The following CSPG5 variants were observed in gnomAD, a reference collection of about 807,000 sequenced individuals.
CSPG5 encodes acidic leucine-rich EGF-like domain-containing brain protein.
CSPG5 carries 25 observed loss-of-function variants against 39.8 expected under a neutral mutation model. The ratio of observed to expected loss-of-function variants is 0.63; its 90% CI spans 0.46 to 0.88. The LOEUF is 0.88. Ranked by LOEUF, CSPG5 falls within the 40% of genes least tolerant of loss-of-function variation. The pLI, the probability that CSPG5 is intolerant of heterozygous loss-of-function variation, is 0.00. For missense variants in CSPG5, 627 were observed against 702.2 expected, an observed-to-expected ratio of 0.89 and a Z score of 1.21; for synonymous variants, 295 against 303.9, an observed-to-expected ratio of 0.97 and a Z score of 0.31.
In CSPG5 at chr3:47,572,132, G is replaced by A. The variant is rs1450244219; in HGVS notation, c.1382+554C>T. ...TAAAGAGGATTTTCTTAAGTTCCTT[G>A]CACTTCTGATTGGACACAGGCTTGA... On this transcript the variant is annotated intron_variant, in intron 3 of 4. Coordinates refer to ENST00000264723, the MANE Select transcript of CSPG5 (RefSeq NM_006574.4). This position sits in a 1 kb window ranked among gnomAD's most constrained non-coding sequence, Gnocchi z 4.5. 6.6e-6 allele frequency among the ~76,000 whole-genome samples: 1 copy of A among 152,162 alleles called. No individual in the cohort carries two copies. The highest frequency in any genetic ancestry group is 2.4e-5 in the African/African-American group (1 of 41,454).
At position 47,577,848 on chromosome 3, in the gene CSPG5, G is replaced by T. The variant is rs1179380966; in HGVS notation, c.178C>A (p.Arg60=). Reference sequence around the variant, plus strand: ...GCCGCTGGTGGGCCGGCTTCTTCCCGCGTGTCGTTGGCAGGCGGCTCCCAC... The same window carrying T: ...GCCGCTGGTGGGCCGGCTTCTTCCCTCGTGTCGTTGGCAGGCGGCTCCCAC... ...PAWEPPANDT[R]EEAGPPAAGE... Residue 60 remains arginine (R), a synonymous_variant, in exon 2 of 5, where the codon CGG becomes AGG. Transcript: ENST00000264723. The surrounding 1 kb of genome is among the most constrained non-coding windows in gnomAD (Gnocchi z 4.7). 3 of 1,547,076 alleles carry T rather than the reference G, an allele frequency of 1.9e-6. No homozygotes were observed. The highest frequency in any genetic ancestry group is 2.6e-6 in the Non-Finnish European group (3 of 1,158,204).
At chr3:47,576,768 C>G in intron 2 of CSPG5, 65 bp downstream of exon 2, 1 of 1,501,030 alleles carries the variant, frequency 6.7e-7, no homozygotes, top group Non-Finnish European at 8.9e-7. Flanking sequence ...CTACGCTGCC[C>G]TCTGTTGAGT....
intron 4 of CSPG5, among the ~76,000 whole-genome samples, chr3:47,563,222 G>C (rs1559609115): frequency 1.3e-5 from 2 of 152,238 alleles, no homozygotes; most frequent in South Asian, 4.2e-4. Flanking sequence ...CATAGAACTG[G>C]TAAAGTGCAG....
In CSPG5 at chr3:47,572,628, G is replaced by A. The variant is rs2031564199; in HGVS notation, c.1382+58C>T. On this transcript the variant is annotated intron_variant, in intron 3 of 4. Transcript: ENST00000264723. This position sits in a 1 kb window ranked among gnomAD's most constrained non-coding sequence, Gnocchi z 4.5. Reference sequence around the variant, plus strand: ...CTGGATCAGTTGGAGGGGTGCAGCAGCGTCGGGGGGCCTCCCACACCCTGA... The same window carrying A: ...CTGGATCAGTTGGAGGGGTGCAGCAACGTCGGGGGGCCTCCCACACCCTGA... 6.1e-6 allele frequency: 9 copies of A among 1,463,794 alleles called. No homozygotes were observed. The highest frequency in any genetic ancestry group is 8.6e-6 in the Non-Finnish European group (9 of 1,051,952). The allele number at this position is 1,463,794 out of a possible 1,614,324, so 90.7% of individuals were successfully genotyped here.
chr3:47,569,527 C>A (rs1384247379), intron 3 of CSPG5, among the ~76,000 whole-genome samples: 1 of 151,818 alleles, frequency 6.6e-6, no homozygotes, highest in Non-Finnish European at 1.5e-5. Context: ...TTGTTTGAAC[C>A]CAGGAGGCGG....
intron 4 of CSPG5, among the ~76,000 whole-genome samples, chr3:47,568,522 C>A (rs1021715377): frequency 6.6e-6 from 1 of 152,176 alleles, no homozygotes; most frequent in Non-Finnish European, 1.5e-5. Context: ...TATAACCCTG[C>A]CAGTTCTTAG....
chr3:47,565,058 T>A (rs529551503), intron 4 of CSPG5, among the ~76,000 whole-genome samples: 2 of 152,220 alleles, frequency 1.3e-5, no homozygotes, highest in South Asian at 4.2e-4. Flanking sequence ...AACTCCTTCA[T>A]CACATATTCT....
At chr3:47,563,070 C>A (rs1291956629) in intron 4 of CSPG5, among the ~76,000 whole-genome samples, 2 of 152,194 alleles carry the variant, frequency 1.3e-5, no homozygotes, top group African/African-American at 2.4e-5. Context: ...GGCCCAGGCG[C>A]CTCTATAGCC....
chr3:47,576,328 A>G (rs943309314), intron 2 of CSPG5, among the ~76,000 whole-genome samples: 2 of 152,190 alleles, frequency 1.3e-5, no homozygotes. Flanking sequence ...TCCTAGTGAT[A>G]AGGTCACAGG....
chr3:47,570,081 T>C (rs956176306), intron 3 of CSPG5, among the ~76,000 whole-genome samples: 2 of 151,946 alleles, frequency 1.3e-5, no homozygotes, highest in East Asian at 3.9e-4. Flanking sequence ...CCATGGATTA[T>C]CTTTTTTTTT....
In CSPG5 at chr3:47,569,168, T is replaced by C. The variant is rs902941005; in HGVS notation, c.1442A>G (p.Glu481Gly). Residue 481 changes from glutamate (E) to glycine (G), a missense_variant, in exon 4 of 5, where the codon GAG becomes GGG. Coordinates refer to ENST00000264723, the MANE Select transcript of CSPG5 (RefSeq NM_006574.4). ...NDNFSLSTIA[E>G]GSHPNDDPSA... ...TTTCCTTACATTTGGGTGAGAGCCC[T>C]CGGCAATGGTGGAGAGGGAGAAGTT... 1.5e-5 allele frequency: 24 copies of C among 1,612,012 alleles called. No individual in the cohort carries two copies. Among genetic ancestry groups the C allele is most frequent in the Non-Finnish European group, 1.9e-5 (22 of 1,179,154 alleles).
chr3:47,574,457 C>T (rs1311877421), intron 2 of CSPG5, among the ~76,000 whole-genome samples: 1 of 152,184 alleles, frequency 6.6e-6, no homozygotes, highest in Non-Finnish European at 1.5e-5. Flanking sequence ...GGAGCAAAAT[C>T]ACAGGGTTTC....
In CSPG5 at chr3:47,562,517, A is replaced by G; in HGVS notation, c.*83T>C. Reference sequence around the variant, plus strand: ...AAAGAGTTTAACAAATGGTTACAAGAAATAGACTCTGTACAAGAGGAGATA... The same window carrying G: ...AAAGAGTTTAACAAATGGTTACAAGGAATAGACTCTGTACAAGAGGAGATA... On this transcript the variant is annotated 3_prime_UTR_variant, in exon 5 of 5. Transcript: ENST00000264723. 7.7e-7 allele frequency: 1 copy of G among 1,301,574 alleles called. No homozygotes were observed. Among genetic ancestry groups the G allele is most frequent in the Non-Finnish European group, 1.1e-6 (1 of 942,698 alleles). The allele number at this position is 1,301,574 out of a possible 1,614,324, so 80.6% of individuals were successfully genotyped here.
Position 47,577,795 on chromosome 3 carries a change from C to T in CSPG5, c.231G>A (p.Ala77=). ...CTGGCCCGGCCAGCTCGCCACCGGG[C>T]GCCGTCCACGACGCCTCATCTTCCC... ...AAGEDEASWT[A]PGGELAGPEE... The change falls in exon 2 of 5, where the codon GCG becomes GCA. Residue 77 remains alanine, a synonymous_variant. Transcript: ENST00000264723. The surrounding 1 kb of genome is among the most constrained non-coding windows in gnomAD (Gnocchi z 4.7). 6.3e-7 allele frequency: 1 copy of T among 1,583,380 alleles called. No homozygotes were observed. The highest frequency in any genetic ancestry group is 1.1e-5 in the South Asian group (1 of 89,226).
intron 4 of CSPG5, among the ~76,000 whole-genome samples, chr3:47,563,191 C>T (rs1394309979): frequency 6.6e-6 from 1 of 152,164 alleles, no homozygotes; most frequent in Non-Finnish European, 1.5e-5. Context: ...CATGTCTCAT[C>T]AGTGTATACA....
intron 3 of CSPG5, among the ~76,000 whole-genome samples, chr3:47,569,749 TC>T (rs1430131521): frequency 2.1e-4 from 26 of 125,670 alleles, no homozygotes; most frequent in Admixed American, 1.3e-3. Context: ...TCTATTCTTT[TC>T]TTTTTTTTTT....
intron 2 of CSPG5, among the ~76,000 whole-genome samples, chr3:47,574,093 C>T (rs1190259473): frequency 6.6e-6 from 1 of 152,078 alleles, no homozygotes; most frequent in Admixed American, 6.6e-5. Context: ...GTAGGGAGGC[C>T]CGAATGTGAT....
intron 4 of CSPG5, among the ~76,000 whole-genome samples, chr3:47,566,134 T>C (rs913418161): frequency 6.6e-6 from 1 of 152,216 alleles, no homozygotes; most frequent in South Asian, 2.1e-4. Context: ...GTGTGGCTGG[T>C]AGAGGTGATT....
chr3:47,575,877 C>A (rs1220891272), intron 2 of CSPG5, among the ~76,000 whole-genome samples: 1 of 152,004 alleles, frequency 6.6e-6, no homozygotes, highest in African/African-American at 2.4e-5. Context: ...CAGCAAACAC[C>A]CCTCAACCCA....
Sources: allele counts gnomAD v4.1 joint callset (sites outside exome capture counted in the v4.1 genomes callset), GRCh38; gene constraint gnomAD v4.1.1; non-coding constraint Gnocchi (gnomAD v3.1); transcripts MANE v1.5; gene names NCBI Gene and HGNC (gene_info 2026-07-23, HGNC 2026-07-21).